The following SEZ6L variants were observed in gnomAD, a reference collection of about 807,000 sequenced individuals.
The protein encoded by SEZ6L is seizure 6-like protein.
Under a neutral mutation model 106.2 loss-of-function variants are expected in SEZ6L, and 37 were observed. The ratio of observed to expected loss-of-function variants is 0.35; its 90% CI spans 0.27 to 0.46. The LOEUF is 0.46. SEZ6L is among the 20% of genes least tolerant of loss of function. The pLI is 1.00. For synonymous variants in SEZ6L, 541 were observed against 570.4 expected, an observed-to-expected ratio of 0.95 and a Z score of 0.73; for missense variants, 1,172 against 1,332.8, an observed-to-expected ratio of 0.88 and a Z score of 1.88.
intron 9 of SEZ6L, among the ~76,000 whole-genome samples, chr22:26,322,430 A>G (rs977998173): frequency 6.6e-6 from 1 of 152,194 alleles, no homozygotes; most frequent in Non-Finnish European, 1.5e-5. Flanking sequence ...TCAGGAAGGG[A>G]CACATAGCCA....
At chr22:26,228,932 A>G (rs1372186531) in intron 1 of SEZ6L, among the ~76,000 whole-genome samples, 2 of 152,160 alleles carry the variant, frequency 1.3e-5, no homozygotes, top group African/African-American at 4.8e-5. Context: ...TTGAGGGATT[A>G]CCTATGACCA....
chr22:26,213,389 G>A lies in SEZ6L; in HGVS notation c.94+43626G>A, dbSNP rs531408671. On this transcript the variant is annotated intron_variant, in intron 1 of 16. Coordinates refer to ENST00000248933, the MANE Select transcript of SEZ6L (RefSeq NM_021115.5). Reference sequence around the variant, plus strand: ...GCATTCGCTTTCCGACGTGCAGAGCGGAAATACTGATGTGTTCAGTTTAGC... The same window carrying A: ...GCATTCGCTTTCCGACGTGCAGAGCAGAAATACTGATGTGTTCAGTTTAGC... 1.8e-4 allele frequency among the ~76,000 whole-genome samples: 28 copies of A among 152,288 alleles called. No homozygotes were observed. In the East Asian group the frequency reaches 2.5e-3, roughly 14 times the overall value.
intron 6 of SEZ6L, among the ~76,000 whole-genome samples, chr22:26,310,262 G>A (rs6005001): frequency 0.23 from 35,743 of 152,124 alleles, 4,488 homozygotes; most frequent in Non-Finnish European, 0.26. Context: ...AGGACTGGGC[G>A]TGGTGGCTCA....
intron 12 of SEZ6L, among the ~76,000 whole-genome samples, chr22:26,352,700 C>A (rs2083320003): frequency 6.6e-6 from 1 of 152,248 alleles, no homozygotes; most frequent in Non-Finnish European, 1.5e-5. Context: ...CTGATACTTA[C>A]TGAGCACTTA....
intron 8 of SEZ6L, among the ~76,000 whole-genome samples, chr22:26,312,538 C>T (rs906329873): frequency 6.9e-6 from 1 of 145,010 alleles, no homozygotes; most frequent in Non-Finnish European, 1.5e-5. Context: ...GTGCTCTGAG[C>T]CCCACTGGAC....
intron 1 of SEZ6L, among the ~76,000 whole-genome samples, chr22:26,272,070 G>T (rs957390579): frequency 2.0e-5 from 3 of 152,138 alleles, no homozygotes; most frequent in African/African-American, 4.8e-5. Flanking sequence ...GAAAGAAGCC[G>T]GATACAAAAG....
At chr22:26,336,379 T>C (rs1329343931) in intron 9 of SEZ6L, among the ~76,000 whole-genome samples, 2 of 152,150 alleles carry the variant, frequency 1.3e-5, no homozygotes, top group African/African-American at 2.4e-5. Context: ...ATCAATCCCC[T>C]CTTCGTTGAG....
At chr22:26,265,105 G>A (rs1395479144) in intron 1 of SEZ6L, among the ~76,000 whole-genome samples, 1 of 152,056 alleles carries the variant, frequency 6.6e-6, no homozygotes, top group Non-Finnish European at 1.5e-5. Flanking sequence ...GAACAGTGTA[G>A]CAGGATCCTA....
rs140305329 is a variant in SEZ6L, at chr22:26,216,604, C to A, written c.94+46841C>A. The stretch of plus-strand genomic sequence containing the variant: ...CCGGGAGGCGGAGGTTGCAGTGAGC[C>A]GAGATTGCGCCATTGCACTCCAGCC... On this transcript the variant is annotated intron_variant, in intron 1 of 16. Transcript: ENST00000248933. Among the ~76,000 whole-genome samples, 1,318 of 151,928 alleles carry A rather than the reference C, an allele frequency of 8.7e-3. 9 individuals are homozygous for A. Among genetic ancestry groups the A allele is most frequent in the Non-Finnish European group, 0.014 (934 of 67,972 alleles).
intron 10 of SEZ6L, among the ~76,000 whole-genome samples, chr22:26,346,938 A>G (rs1601566887): frequency 6.6e-6 from 1 of 152,156 alleles, no homozygotes; most frequent in Admixed American, 6.5e-5. Context: ...TCATGCCTGC[A>G]ATCTCAACAC....
intron 13 of SEZ6L, among the ~76,000 whole-genome samples, chr22:26,371,008 A>C (rs914234041): frequency 4.8e-5 from 2 of 41,760 alleles, no homozygotes; most frequent in Admixed American, 7.1e-4. Context: ...TGTATCACAA[A>C]AAAAAAAAAA....
intron 13 of SEZ6L, 131 bp downstream of exon 13, chr22:26,365,697 AC>A (rs34843110): frequency 2.8e-6 from 2 of 716,196 alleles, no homozygotes; most frequent in East Asian, 5.6e-5. Flanking sequence ...ACATAGTGAG[AC>A]CCCCATCTCT....
rs1009598679 is a variant in SEZ6L at position 26,383,166 on chromosome 22, A to G, written c.*2871A>G. The G allele has an allele frequency of 4.6e-5, 7 of 151,166 alleles. No homozygotes were observed. In the South Asian group the frequency reaches 6.3e-4, roughly 14 times the overall value. 9.4% of individuals were successfully genotyped at this position (151,166 alleles called of 1,614,324 possible). ...TACTTAGTTTCATAGATGTGCTTTAACTATGATCCTTTGAAGCTCACCCCT... is the reference window on the plus strand; with the variant it reads ...TACTTAGTTTCATAGATGTGCTTTAGCTATGATCCTTTGAAGCTCACCCCT... On this transcript the variant is annotated 3_prime_UTR_variant, in exon 17 of 17. Coordinates refer to ENST00000248933, the MANE Select transcript of SEZ6L (RefSeq NM_021115.5).
intron 9 of SEZ6L, 57 bp downstream of exon 9, chr22:26,313,959 G>T: frequency 6.5e-7 from 1 of 1,545,512 alleles, no homozygotes; most frequent in South Asian, 1.1e-5. Context: ...GATTGAGAAA[G>T]AAATTGCTCC....
intron 13 of SEZ6L, among the ~76,000 whole-genome samples, chr22:26,368,813 C>T (rs1255119839): frequency 6.6e-6 from 1 of 151,862 alleles, no homozygotes; most frequent in Non-Finnish European, 1.5e-5. Context: ...GATAGGTGAG[C>T]CATCTTACCT....
chr22:26,365,089 G>T, intron 12 of SEZ6L: 1 of 296,194 alleles, frequency 3.4e-6, no homozygotes, highest in Non-Finnish European at 6.4e-6. Context: ...GATCAGAAAG[G>T]TTATGCCACT....
chr22:26,280,258 G>A (rs528102127), intron 1 of SEZ6L, among the ~76,000 whole-genome samples: 28 of 119,952 alleles, frequency 2.3e-4, no homozygotes, highest in Non-Finnish European at 4.2e-4. Context: ...AAATACATAC[G>A]TACATTTATA....
intron 9 of SEZ6L, among the ~76,000 whole-genome samples, 169 bp downstream of exon 9, chr22:26,314,071 T>TACAC (rs55746736): frequency 7.5e-5 from 11 of 145,708 alleles, no homozygotes; most frequent in Non-Finnish European, 1.2e-4. Context: ...GCATCACAAA[T>TACAC]ACACACACAC....
At chr22:26,292,087 A>T (rs753788266) in intron 1 of SEZ6L, among the ~76,000 whole-genome samples, 8 of 150,656 alleles carry the variant, frequency 5.3e-5, no homozygotes, top group Non-Finnish European at 1.2e-4. Context: ...TGAAGGAGGA[A>T]GGAAGAAAGA....
Sources: gnomAD v4.1 joint callset for allele counts (sites outside exome capture counted in the v4.1 genomes callset) on GRCh38, gnomAD v4.1.1 for gene constraint, MANE v1.5 for transcripts, NCBI Gene and HGNC (gene_info 2026-07-23, HGNC 2026-07-21) for gene names.